The following DOCK3 variants were observed in gnomAD, a reference collection of about 807,000 sequenced individuals.
DOCK3 encodes the protein dedicator of cytokinesis 3, also known as dedicator of cytokinesis protein 3.
Under a neutral mutation model 265.6 loss-of-function variants are expected in DOCK3, and 60 were observed. That is an observed-to-expected ratio of 0.23 (90% confidence interval 0.18 to 0.28). The LOEUF is 0.28. DOCK3 is among the 10% of genes least tolerant of loss of function. The pLI, the probability that DOCK3 is intolerant of heterozygous loss-of-function variation, is 1.00. For missense variants in DOCK3, 1,981 were observed against 2,594.3 expected, an observed-to-expected ratio of 0.76 and a Z score of 5.14; for synonymous variants, 881 against 938.0, an observed-to-expected ratio of 0.94 and a Z score of 1.11.
intron 38 of DOCK3, among the ~76,000 whole-genome samples, chr3:51,343,914 G>A (rs2085390734): frequency 6.6e-6 from 1 of 152,228 alleles, no homozygotes; most frequent in Non-Finnish European, 1.5e-5. Flanking sequence ...CTGGGCTCTG[G>A]TCCACAGACA....
At chr3:51,289,283 G>A (rs775585419) in intron 27 of DOCK3, among the ~76,000 whole-genome samples, 1 of 152,062 alleles carries the variant, frequency 6.6e-6, no homozygotes, top group Non-Finnish European at 1.5e-5. Flanking sequence ...CCTATTTGAA[G>A]GTGGAGGGTA....
At chr3:50,876,630 A>G (rs181187926) in intron 3 of DOCK3, 4 of 152,448 alleles carry the variant, frequency 2.6e-5, no homozygotes, top group African/African-American at 9.6e-5. Flanking sequence ...TATTATTGTA[A>G]CATTTATTAG....
intron 26 of DOCK3, among the ~76,000 whole-genome samples, chr3:51,279,467 G>T (rs1396734849): frequency 6.6e-6 from 1 of 152,136 alleles, no homozygotes; most frequent in East Asian, 1.9e-4. Context: ...CTTAAAGCAG[G>T]ATTTTATTCC....
intron 10 of DOCK3, among the ~76,000 whole-genome samples, chr3:51,148,374 T>C (rs909991789): frequency 1.3e-5 from 2 of 152,248 alleles, no homozygotes; most frequent in African/African-American, 4.8e-5. Context: ...ATTTTGGCTT[T>C]TGTTGCCATT....
At chr3:51,230,488 G>A (rs1210969055) in intron 19 of DOCK3, among the ~76,000 whole-genome samples, 5 of 151,886 alleles carry the variant, frequency 3.3e-5, no homozygotes, top group Middle Eastern at 3.2e-3. Context: ...TGGTGTACAT[G>A]TACCACATTG....
At chr3:51,125,132 A>T (rs2106820701) in intron 9 of DOCK3, among the ~76,000 whole-genome samples, 1 of 152,332 alleles carries the variant, frequency 6.6e-6, no homozygotes, top group Non-Finnish European at 1.5e-5. Context: ...AAATATAAAT[A>T]AATAAATAGC....
intron 1 of DOCK3, among the ~76,000 whole-genome samples, chr3:50,711,221 G>A (rs544640058): frequency 5.3e-5 from 8 of 149,578 alleles, no homozygotes; most frequent in Non-Finnish European, 8.9e-5. Flanking sequence ...AACTGACCTT[G>A]CATTTCCTGG....
chr3:51,263,257 G>A (rs1210092161), intron 23 of DOCK3, among the ~76,000 whole-genome samples: 2 of 152,148 alleles, frequency 1.3e-5, no homozygotes, highest in African/African-American at 2.4e-5. Context: ...GAGAGTGGGG[G>A]CCAATATTCA....
chr3:51,065,387 A>G (rs1044856433), intron 6 of DOCK3, among the ~76,000 whole-genome samples: 1 of 152,162 alleles, frequency 6.6e-6, no homozygotes, highest in Non-Finnish European at 1.5e-5. Context: ...AATGAAATCT[A>G]TGAGCCCATT....
At chr3:51,311,906 C>T (rs1207346468) in intron 28 of DOCK3, 98 bp from the exon 29 acceptor site, 1 of 803,252 alleles carries the variant, frequency 1.2e-6, no homozygotes, top group Non-Finnish European at 1.9e-6. Context: ...AAATTGTACT[C>T]AAGAAGTTTG....
At chr3:50,713,588 C>T (rs1045146245) in intron 1 of DOCK3, among the ~76,000 whole-genome samples, 1 of 151,948 alleles carries the variant, frequency 6.6e-6, no homozygotes, top group Admixed American at 6.6e-5. Context: ...TTTGATATGT[C>T]TTAGGTATGG....
chr3:51,166,091 C>T (rs1194971621), intron 12 of DOCK3, among the ~76,000 whole-genome samples: 2 of 148,334 alleles, frequency 1.3e-5, no homozygotes, highest in Admixed American at 6.7e-5. Context: ...ACACTTGTCA[C>T]CCAGGCTGGA....
intron 23 of DOCK3, among the ~76,000 whole-genome samples, chr3:51,262,543 G>C (rs1388566935): frequency 6.6e-6 from 1 of 152,112 alleles, no homozygotes; most frequent in South Asian, 2.1e-4. Flanking sequence ...AGCCAGCAAG[G>C]TAACAAACCT....
At chr3:51,379,423 T>C (rs1288240830) in intron 51 of DOCK3, 48 of 985,314 alleles carry the variant, frequency 4.9e-5, no homozygotes, top group Non-Finnish European at 5.7e-5. Context: ...TAACCTCCCT[T>C]CATGCCATCT....
chr3:50,886,559 T>TC (rs2048350539), intron 3 of DOCK3, among the ~76,000 whole-genome samples: 1 of 59,234 alleles, frequency 1.7e-5, no homozygotes, highest in Non-Finnish European at 3.1e-5. Context: ...CCCTCCCCCC[T>TC]CCCCCCACCC....
chr3:50,703,731 A>AT (rs2036205263), intron 1 of DOCK3, among the ~76,000 whole-genome samples: 1 of 150,718 alleles, frequency 6.6e-6, no homozygotes, highest in Non-Finnish European at 1.5e-5. Context: ...CTGTTTATTG[A>AT]TTTTGTTTAT....
At chr3:51,027,326 T>G (rs1466123685) in intron 5 of DOCK3, among the ~76,000 whole-genome samples, 1 of 152,170 alleles carries the variant, frequency 6.6e-6, no homozygotes, top group East Asian at 1.9e-4. Flanking sequence ...TTAGTATGCC[T>G]TTGATTTTTT....
intron 5 of DOCK3, among the ~76,000 whole-genome samples, chr3:50,962,767 C>G (rs1468337827): frequency 6.6e-6 from 1 of 152,176 alleles, no homozygotes; most frequent in African/African-American, 2.4e-5. Flanking sequence ...CTTCTAGGTT[C>G]TACCTAATTC....
intron 2 of DOCK3, among the ~76,000 whole-genome samples, chr3:50,786,165 T>TG (rs2042176431): frequency 5.9e-5 from 9 of 152,180 alleles, no homozygotes; most frequent in Admixed American, 5.9e-4. Flanking sequence ...TCTTGTTTTG[T>TG]TTCTAATTGA....
Sources: allele counts gnomAD v4.1 joint callset (sites outside exome capture counted in the v4.1 genomes callset), GRCh38; gene constraint gnomAD v4.1.1; transcripts MANE v1.5; gene names NCBI Gene and HGNC (gene_info 2026-07-23, HGNC 2026-07-21).